Variants in ST18 observed in about 807,000 individuals in gnomAD.
ST18 encodes suppression of tumorigenicity 18 protein.
Under a neutral mutation model 110.0 loss-of-function variants are expected in ST18, and 50 were observed. That is an observed-to-expected ratio of 0.45 (90% confidence interval 0.36 to 0.58). ST18 has a LOEUF of 0.58. ST18 is among the 20% of genes least tolerant of loss of function. The pLI, the probability that ST18 is intolerant of heterozygous loss-of-function variation, is 0.00. For missense variants in ST18, 1,306 were observed against 1,280.1 expected (o/e 1.02, Z -0.31); for synonymous variants, 461 against 452.4 (o/e 1.02, Z -0.24).
chr8:52,388,973 T>TA (rs61317264), intron 2 of ST18, among the ~76,000 whole-genome samples: 2,495 of 142,672 alleles, frequency 0.017, 70 homozygotes, highest in East Asian at 0.07. Flanking sequence ...AATAATAATT[T>TA]AAAAAAAAAA....
chr8:52,143,135 T>C (rs996092656), intron 16 of ST18, 90 bp from the exon 17 acceptor site: 2 of 833,122 alleles, frequency 2.4e-6, no homozygotes, highest in East Asian at 5.0e-5. Flanking sequence ...AAGCCAGGTT[T>C]GAGTTTTGGC....
At chr8:52,202,093 T>TC (rs1478940622) in intron 8 of ST18, among the ~76,000 whole-genome samples, 1 of 152,202 alleles carries the variant, frequency 6.6e-6, no homozygotes, top group Non-Finnish European at 1.5e-5. Context: ...CGGGTAGGGC[T>TC]CAGGTGTTCT....
At position 52,244,022 on chromosome 8, in the gene ST18, C is replaced by T. The variant is rs965501148; in HGVS notation, c.-464-13945G>A. On this transcript the variant is annotated intron_variant, in intron 2 of 25. Transcript: ENST00000689386. Reference sequence around the variant, plus strand: ...TGTGATAATGGCCTGTGTGCTAACGCTAATATGCAAAACCTGACCCTTGGA... The same window carrying T: ...TGTGATAATGGCCTGTGTGCTAACGTTAATATGCAAAACCTGACCCTTGGA... Among the ~76,000 whole-genome samples the T allele has an allele frequency of 4.6e-5, 7 of 152,096 alleles. No individual in the cohort carries two copies. The East Asian group carries it at 7.7e-4, about 17-fold the overall frequency.
At chr8:52,382,451 T>C (rs1351722113) in intron 2 of ST18, among the ~76,000 whole-genome samples, 1 of 152,248 alleles carries the variant, frequency 6.6e-6, no homozygotes, top group Non-Finnish European at 1.5e-5. Context: ...ACATGAAGCA[T>C]GAAGCTCAAG....
chr8:52,175,294 A>G (rs1352617739), intron 9 of ST18, among the ~76,000 whole-genome samples: 1 of 152,166 alleles, frequency 6.6e-6, no homozygotes, highest in African/African-American at 2.4e-5. Flanking sequence ...CCTTTATCAT[A>G]AATAAGATGG....
chr8:52,312,215 G>C (rs974583418), intron 2 of ST18, among the ~76,000 whole-genome samples: 2 of 152,140 alleles, frequency 1.3e-5, no homozygotes, highest in African/African-American at 4.8e-5. Context: ...ATTTACTAGG[G>C]TTCTCAAATG....
At chr8:52,129,451 CAAA>C (rs34059224) in intron 22 of ST18, among the ~76,000 whole-genome samples, 213 of 72,270 alleles carry the variant, frequency 2.9e-3, no homozygotes, top group African/African-American at 5.0e-3. Context: ...GAGACTCCAT[CAAA>C]AAAAAAAAAA....
At chr8:52,342,209 A>G (rs1304329461) in intron 2 of ST18, among the ~76,000 whole-genome samples, 1 of 152,206 alleles carries the variant, frequency 6.6e-6, no homozygotes, top group Admixed American at 6.5e-5. Flanking sequence ...TACACCATAA[A>G]TATGTACAAT....
At chr8:52,130,119 A>AAGAAAGAAAGAAAGAAAGAAAGAAAG (rs1554585622) in intron 22 of ST18, among the ~76,000 whole-genome samples, 1 of 105,164 alleles carries the variant, frequency 9.5e-6, no homozygotes, top group African/African-American at 4.1e-5. Context: ...AGAAAGAAAG[A>AAGAAAGAAAGAAAGAAAGAAAGAAAG]AAAGAAAGAA....
chr8:52,136,582 G>T lies in ST18; in HGVS notation c.2300+8C>A, dbSNP rs376583231. ...GAAGGGCAAGCCGGCCACGCTTCCC[G>T]CACTTACTTAAGCTCCTGAGAGTTG... On this transcript the variant is annotated splice_region_variant and intron_variant, in intron 19 of 25. Transcript: ENST00000689386. 12 of 1,608,030 alleles carry T rather than the reference G, an allele frequency of 7.5e-6. No homozygotes were observed. Among genetic ancestry groups the T allele is most frequent in the Non-Finnish European group, 1.0e-5 (12 of 1,177,478 alleles).
chr8:52,373,486 C>T (rs966807380), intron 2 of ST18, among the ~76,000 whole-genome samples: 2 of 152,072 alleles, frequency 1.3e-5, no homozygotes, highest in East Asian at 1.9e-4. Flanking sequence ...GAGCCCTCCC[C>T]TCCAGTGATC....
At chr8:52,189,607 T>G (rs2073772039) in intron 8 of ST18, among the ~76,000 whole-genome samples, 1 of 152,192 alleles carries the variant, frequency 6.6e-6, no homozygotes, top group Admixed American at 6.5e-5. Context: ...TTCCCAATGG[T>G]GAAGGTCTCC....
At chr8:52,242,214 C>A (rs1425037898) in intron 2 of ST18, among the ~76,000 whole-genome samples, 1 of 152,192 alleles carries the variant, frequency 6.6e-6, no homozygotes, top group African/African-American at 2.4e-5. Context: ...ATAAATATTA[C>A]AGTGTGTCTA....
intron 2 of ST18, among the ~76,000 whole-genome samples, chr8:52,367,391 C>T (rs1828525076): frequency 2.0e-5 from 3 of 152,016 alleles, no homozygotes; most frequent in Admixed American, 1.3e-4. Flanking sequence ...CACTGCACTC[C>T]AGCCTGGGCA....
intron 2 of ST18, among the ~76,000 whole-genome samples, chr8:52,399,708 T>C (rs558452757): frequency 1.3e-5 from 2 of 152,196 alleles, no homozygotes; most frequent in South Asian, 4.1e-4. Context: ...CTCAGGAACA[T>C]GTTTAATCTC....
At position 52,172,251 on chromosome 8, in the gene ST18, C is replaced by A; in HGVS notation, c.610G>T (p.Asp204Tyr). 1 of 1,614,186 alleles carries A rather than the reference C, an allele frequency of 6.2e-7. No individual in the cohort carries two copies. Among genetic ancestry groups the A allele is most frequent in the Non-Finnish European group, 8.5e-7 (1 of 1,180,030 alleles). ...SNSESAENGW[D>Y]SGSNFSEETK... The stretch of plus-strand genomic sequence containing the variant: ...TCTTCTGAGAAGTTGGAGCCACTGT[C>A]CCAGCCATTTTCTGCACTTTCAGAG... The change falls in exon 10 of 26, where the codon GAC (aspartate) becomes TAC (tyrosine). Residue 204 changes from aspartate to tyrosine, a missense_variant. Coordinates refer to ENST00000689386, the MANE Select transcript of ST18 (RefSeq NM_001352837.2).
At chr8:52,194,365 G>T (rs935284735) in intron 8 of ST18, 1 of 151,894 alleles carries the variant, frequency 6.6e-6, no homozygotes, top group Admixed American at 6.5e-5. Context: ...CATTCACCTT[G>T]ATTATAAACC....
At chr8:52,240,376 T>C (rs1482546986) in intron 2 of ST18, among the ~76,000 whole-genome samples, 1 of 152,150 alleles carries the variant, frequency 6.6e-6, no homozygotes, top group Non-Finnish European at 1.5e-5. Flanking sequence ...TGCTACCTTA[T>C]TATACAGAAA....
chr8:52,115,510 C>T (rs1186586468), intron 25 of ST18, among the ~76,000 whole-genome samples: 1 of 152,160 alleles, frequency 6.6e-6, no homozygotes, highest in South Asian at 2.1e-4. Context: ...TTTAGATACA[C>T]AAATACTAAT....
Sources: allele counts gnomAD v4.1 joint callset (sites outside exome capture counted in the v4.1 genomes callset), GRCh38; gene constraint gnomAD v4.1.1; transcripts MANE v1.5; gene names NCBI Gene and HGNC (gene_info 2026-07-23, HGNC 2026-07-21).